Variants in ANKRD11 observed in about 807,000 individuals in gnomAD.
ANKRD11 encodes ankyrin repeat domain 11.
Under a neutral mutation model 195.7 loss-of-function variants are expected in ANKRD11, and 17 were observed. The observed-to-expected ratio is 0.09, with a 90% CI of 0.06 to 0.13. The LOEUF is 0.13. ANKRD11 is among the 10% of genes least tolerant of loss of function. ANKRD11 has a pLI of 1.00. For synonymous variants in ANKRD11, 1,953 were observed against 1,528.1 expected (o/e 1.28, Z -6.49); for missense variants, 3,735 against 3,566.1 (o/e 1.05, Z -1.21).
Position 89,320,862 on chromosome 16 carries a change from C to T in ANKRD11, c.-59-3784G>A, listed in dbSNP as rs578205528. Among the ~76,000 whole-genome samples the T allele has an allele frequency of 3.4e-4, 52 of 152,384 alleles. No individual in the cohort carries two copies. In the South Asian group the frequency reaches 6.6e-3, roughly 19 times the overall value. ...CCACACTGCGAGAGCCCCTGCAGCC[C>T]AGAGGGGCTCCACCTCCCCTGCAAT... On this transcript the variant is annotated intron_variant, in intron 2 of 12. Coordinates refer to ENST00000301030, the MANE Select transcript of ANKRD11 (RefSeq NM_013275.6).
intron 2 of ANKRD11, among the ~76,000 whole-genome samples, chr16:89,370,287 G>A (rs189210530): frequency 1.8e-3 from 273 of 152,326 alleles, no homozygotes; most frequent in African/African-American, 6.1e-3. Context: ...CCAACTATGT[G>A]GCAGCTCTGA....
At chr16:89,349,858 TAA>T (rs1159109981) in intron 2 of ANKRD11, among the ~76,000 whole-genome samples, 7 of 126,612 alleles carry the variant, frequency 5.5e-5, no homozygotes, top group African/African-American at 9.5e-5. Context: ...AAATACTTGT[TAA>T]AACACACACA....
chr16:89,305,307 A>G lies in ANKRD11; in HGVS notation c.125T>C (p.Leu42Pro), dbSNP rs750092547. 1 of 1,613,942 alleles carries G rather than the reference A, an allele frequency of 6.2e-7. No individual in the cohort carries two copies. Among genetic ancestry groups the G allele is most frequent in the Non-Finnish European group, 8.5e-7 (1 of 1,179,894 alleles). The stretch of plus-strand genomic sequence containing the variant: ...CTCCTTCCCGCCATCGCCACGCTCC[A>G]GTTTTGGGGTCTTGGTTAGAGAAAC... ...DKVSLTKTPKLERGDGGKEVR... is the reference protein window; with the variant it reads ...DKVSLTKTPKPERGDGGKEVR... Residue 42 changes from leucine (L) to proline (P), a missense_variant, in exon 4 of 13, where the codon CTG becomes CCG. By Grantham distance (98) the Leu-to-Pro change is moderately conservative (BLOSUM62 -3). Coordinates refer to ENST00000301030, the MANE Select transcript of ANKRD11 (RefSeq NM_013275.6).
At chr16:89,344,287 C>T (rs2038836279) in intron 2 of ANKRD11, among the ~76,000 whole-genome samples, 1 of 152,166 alleles carries the variant, frequency 6.6e-6, no homozygotes. Flanking sequence ...CTCTAACGAG[C>T]CTCAGCTAAC....
rs111609447 is a variant in ANKRD11, at chr16:89,276,912, C to T, written c.7471-1721G>A. Reference sequence around the variant, plus strand: ...CTCTACAGAAAATGCAAAAATTAGCCGGACGTGGTGGTGGGCGCCTGTAAT... The same window carrying T: ...CTCTACAGAAAATGCAAAAATTAGCTGGACGTGGTGGTGGGCGCCTGTAAT... On this transcript the variant is annotated intron_variant, in intron 9 of 12. Transcript: ENST00000301030. Among the ~76,000 whole-genome samples the T allele has an allele frequency of 6.8e-3, 1,037 of 152,030 alleles. 14 individuals carry two copies. Among genetic ancestry groups the T allele is most frequent in the African/African-American group, 0.024 (990 of 41,426 alleles).
chr16:89,296,044 A>T (rs1212751011), intron 4 of ANKRD11, among the ~76,000 whole-genome samples: 2 of 122,010 alleles, frequency 1.6e-5, no homozygotes, highest in Non-Finnish European at 3.2e-5. Context: ...GATGGAGCAC[A>T]GTGGCGCAAT....
intron 1 of ANKRD11, among the ~76,000 whole-genome samples, chr16:89,442,869 C>T (rs1287758086): frequency 6.6e-6 from 1 of 152,240 alleles, no homozygotes; most frequent in African/African-American, 2.4e-5. Context: ...CCACCACCTC[C>T]CACGGGCCCT....
At chr16:89,312,746 T>C (rs778225833) in intron 3 of ANKRD11, among the ~76,000 whole-genome samples, 5 of 152,234 alleles carry the variant, frequency 3.3e-5, no homozygotes, top group Non-Finnish European at 7.3e-5. Context: ...GGGGGAGTTC[T>C]GGGCTCTGTT....
At chr16:89,333,391 G>C (rs1321966313) in intron 2 of ANKRD11, among the ~76,000 whole-genome samples, 2 of 152,260 alleles carry the variant, frequency 1.3e-5, no homozygotes, top group Admixed American at 6.5e-5. Flanking sequence ...CAGGCCGCAC[G>C]ACCTCAGGGT....
intron 2 of ANKRD11, among the ~76,000 whole-genome samples, chr16:89,338,726 CAAAAAAA>C (rs34799616): frequency 6.8e-5 from 3 of 43,812 alleles, no homozygotes; most frequent in African/African-American, 1.0e-4. Context: ...CACTCAGTCT[CAAAAAAA>C]AAAAAAAAAA....
At chr16:89,330,340 G>A (rs1227789859) in intron 2 of ANKRD11, among the ~76,000 whole-genome samples, 1 of 152,084 alleles carries the variant, frequency 6.6e-6, no homozygotes, top group African/African-American at 2.4e-5. Flanking sequence ...ACCTGGCTCA[G>A]GATGTGAGTC....
intron 2 of ANKRD11, among the ~76,000 whole-genome samples, chr16:89,356,789 A>AG (rs898522163): frequency 2.0e-5 from 3 of 151,186 alleles, no homozygotes; most frequent in Non-Finnish European, 4.4e-5. Flanking sequence ...TCAAAAAAAA[A>AG]AAAAAAGAAA....
intron 2 of ANKRD11, among the ~76,000 whole-genome samples, chr16:89,387,393 C>T (rs1247385015): frequency 6.6e-6 from 1 of 152,102 alleles, no homozygotes; most frequent in East Asian, 1.9e-4. Context: ...TGTGCTTGGG[C>T]CGGGCGCGGT....
At chr16:89,476,823 T>C (rs2057275182) in intron 1 of ANKRD11, among the ~76,000 whole-genome samples, 1 of 129,980 alleles carries the variant, frequency 7.7e-6, no homozygotes, top group Non-Finnish European at 1.7e-5. Flanking sequence ...TGATGAGAGC[T>C]GGGGTGGAGA....
chr16:89,321,425 G>A (rs1316220277), intron 2 of ANKRD11, among the ~76,000 whole-genome samples: 2 of 149,642 alleles, frequency 1.3e-5, no homozygotes, highest in African/African-American at 2.5e-5. Context: ...ACTGTGGGGC[G>A]GGGCCTGCAG....
At chr16:89,323,103 G>C (rs2037436503) in intron 2 of ANKRD11, 3 of 318,672 alleles carry the variant, frequency 9.4e-6, no homozygotes, top group Non-Finnish European at 1.8e-5. Context: ...TTCCAGCTGA[G>C]CCCTGCCGGC....
chr16:89,283,582 T>C lies in ANKRD11; in HGVS notation c.2960A>G (p.Asp987Gly), dbSNP rs2151757325. Residue 987 changes from aspartate (D) to glycine (G), a missense_variant, in exon 9 of 13, where the codon GAC (aspartate) becomes GGC (glycine). Asp to Gly is a moderately conservative substitution (Grantham distance 94, BLOSUM62 -1). Coordinates refer to ENST00000301030, the MANE Select transcript of ANKRD11 (RefSeq NM_013275.6). The surrounding 1 kb of genome is among the most constrained non-coding windows in gnomAD (Gnocchi z 4.3). Reference sequence around the variant, plus strand: ...CTTCCCAAAGTCGCCGTCGGACTTGTCCTTGAAGCCACTCTCGCAGCCACA... The same window carrying C: ...CTTCCCAAAGTCGCCGTCGGACTTGCCCTTGAAGCCACTCTCGCAGCCACA... The part of the protein sequence containing the change: ...KECGCESGFK[D>G]KSDGDFGKGL... The C allele has an allele frequency of 3.7e-6, 6 of 1,610,530 alleles. No homozygotes were observed. Among genetic ancestry groups the C allele is most frequent in the Non-Finnish European group, 5.1e-6 (6 of 1,180,016 alleles).
intron 2 of ANKRD11, among the ~76,000 whole-genome samples, chr16:89,337,809 G>A (rs1030977088): frequency 6.6e-6 from 1 of 152,140 alleles, no homozygotes; most frequent in African/African-American, 2.4e-5. Flanking sequence ...GTTTGCCCAA[G>A]TCGCACGAGC....
At chr16:89,286,625 G>C in intron 7 of ANKRD11, 1 of 1,195,958 alleles carries the variant, frequency 8.4e-7, no homozygotes, top group South Asian at 1.5e-5. Flanking sequence ...TTATGGAAAG[G>C]GTTGGGGGGA....
Sources: allele counts gnomAD v4.1 joint callset (sites outside exome capture counted in the v4.1 genomes callset), GRCh38; gene constraint gnomAD v4.1.1; non-coding constraint Gnocchi (gnomAD v3.1); transcripts MANE v1.5; gene names NCBI Gene and HGNC (gene_info 2026-07-23, HGNC 2026-07-21).